Variants in NTM observed in about 807,000 individuals in gnomAD.
The protein encoded by NTM is neurotrimin, also known as IgLON family member 2.
NTM carries 13 observed loss-of-function variants against 42.1 expected under a neutral mutation model. The observed-to-expected ratio is 0.31, with a 90% CI of 0.20 to 0.49. The LOEUF (loss-of-function observed/expected upper bound fraction) is 0.49, where lower values mean the gene tolerates loss of function less well. NTM is among the 20% of genes least tolerant of loss of function. The probability of loss-of-function intolerance (pLI) is 0.99; values close to 1 mark genes in which losing one functional copy is unlikely to be tolerated. For missense variants in NTM, 373 were observed against 452.8 expected (o/e 0.82, Z 1.60); for synonymous variants, 187 against 179.2 (o/e 1.04, Z -0.35).
chr11:131,714,825 G>C (rs966682774), intron 1 of NTM, among the ~76,000 whole-genome samples: 3 of 152,150 alleles, frequency 2.0e-5, no homozygotes, highest in Admixed American at 2.0e-4. Context: ...TTCTACAGAG[G>C]CATGCCCAGT....
intron 2 of NTM, among the ~76,000 whole-genome samples, chr11:132,079,206 T>C (rs1397468745): frequency 6.6e-6 from 1 of 152,220 alleles, no homozygotes; most frequent in Non-Finnish European, 1.5e-5. Flanking sequence ...TACTAATCAG[T>C]AGCCGACACT....
At chr11:131,600,418 T>C (rs2060378389) in intron 1 of NTM, among the ~76,000 whole-genome samples, 1 of 152,218 alleles carries the variant, frequency 6.6e-6, no homozygotes, top group Non-Finnish European at 1.5e-5. Flanking sequence ...GGAAAATGTA[T>C]TATTAAGTGG....
chr11:131,789,349 AAATAATAAT>A (rs144547552), intron 1 of NTM, among the ~76,000 whole-genome samples: 1 of 112,804 alleles, frequency 8.9e-6, no homozygotes, highest in African/African-American at 3.6e-5. Context: ...GTGAATTTAA[AAATAATAAT>A]AATAATAATA....
intron 1 of NTM, among the ~76,000 whole-genome samples, chr11:131,895,664 A>T (rs2052152453): frequency 6.6e-6 from 1 of 152,070 alleles, no homozygotes; most frequent in Non-Finnish European, 1.5e-5. Context: ...ATTATTTCAC[A>T]TTATATATGT....
At chr11:131,604,751 C>T (rs2137461377) in intron 1 of NTM, among the ~76,000 whole-genome samples, 1 of 150,456 alleles carries the variant, frequency 6.6e-6, no homozygotes, top group East Asian at 2.0e-4. Flanking sequence ...AGTAAGAATC[C>T]CACTTCTTTC....
At chr11:131,840,285 T>G (rs4937663) in intron 1 of NTM, among the ~76,000 whole-genome samples, 117,251 of 152,098 alleles carry the variant, frequency 0.77, 45,421 homozygotes, top group East Asian at 0.86. Flanking sequence ...ATATTAAGGA[T>G]TAGGTGAGCA....
chr11:131,462,571 T>C (rs1951487660), intron 1 of NTM, among the ~76,000 whole-genome samples: 2 of 152,236 alleles, frequency 1.3e-5, no homozygotes, highest in South Asian at 2.1e-4. Context: ...GTCAGCTAAA[T>C]GCTGCTTTTC....
Position 131,462,048 on chromosome 11 carries a change from A to G in NTM, c.82+91160A>G, listed in dbSNP as rs569406115. Among the ~76,000 whole-genome samples, 3 of 131,478 alleles carry G rather than the reference A, an allele frequency of 2.3e-5. No individual in the cohort carries two copies. The East Asian group carries it at 9.4e-4, about 41-fold the overall frequency. 86.3% of individuals were successfully genotyped at this position (131,478 alleles called of 152,430 possible). ...AATGTCTCTCAACTAGTGAGTGGGT[A>G]AAAAAAAACTGAAGAACACCACACA... On this transcript the variant is annotated intron_variant, in intron 1 of 8. Coordinates refer to ENST00000683400, the MANE Select transcript of NTM (RefSeq NM_001352005.2).
chr11:132,086,183 G>C (rs973851943), intron 2 of NTM, among the ~76,000 whole-genome samples: 8 of 152,018 alleles, frequency 5.3e-5, no homozygotes, highest in African/African-American at 1.9e-4. Context: ...AATTAGCTGG[G>C]CATGGTGGTG....
At chr11:132,052,351 C>T (rs1255168524) in intron 2 of NTM, among the ~76,000 whole-genome samples, 1 of 152,120 alleles carries the variant, frequency 6.6e-6, no homozygotes, top group Admixed American at 6.6e-5. Flanking sequence ...GTTTGGGAGT[C>T]CTGGTCTATT....
chr11:132,039,059 G>A (rs1471407535), intron 2 of NTM, among the ~76,000 whole-genome samples: 1 of 152,154 alleles, frequency 6.6e-6, no homozygotes, highest in Non-Finnish European at 1.5e-5. Context: ...GTGTCCATGG[G>A]GTGTTTGTGC....
chr11:132,293,313 C>CA (rs919564413), intron 4 of NTM, among the ~76,000 whole-genome samples: 2 of 151,988 alleles, frequency 1.3e-5, no homozygotes, highest in African/African-American at 2.4e-5. Flanking sequence ...CACCAACCAA[C>CA]AAAAAAATAT....
rs182079083 is a variant in NTM at position 132,263,223 on chromosome 11, G to C, written c.527-44466G>C. On this transcript the variant is annotated intron_variant, in intron 4 of 8. Coordinates refer to ENST00000683400, the MANE Select transcript of NTM (RefSeq NM_001352005.2). ...TCCAACCCCAAGGCTGTTCAAGGGG[G>C]CCATCTGGCCTGTTGAAACTGAGGT... Among the ~76,000 whole-genome samples the C allele has an allele frequency of 2.0e-3, 311 of 152,328 alleles. 4 individuals carry two copies. In the East Asian group the frequency reaches 0.028, roughly 14 times the overall value.
chr11:132,089,290 G>A (rs1239746696), intron 2 of NTM, among the ~76,000 whole-genome samples: 1 of 152,110 alleles, frequency 6.6e-6, no homozygotes, highest in Non-Finnish European at 1.5e-5. Context: ...TGCTTTGATT[G>A]TGCCTTGTTT....
chr11:131,665,040 A>G (rs894903156), intron 1 of NTM, among the ~76,000 whole-genome samples: 1 of 152,156 alleles, frequency 6.6e-6, no homozygotes, highest in African/African-American at 2.4e-5. Context: ...ACCAAGCCTT[A>G]GGGAGAACCG....
chr11:131,821,451 G>A (rs546007814), intron 1 of NTM, among the ~76,000 whole-genome samples: 1 of 152,234 alleles, frequency 6.6e-6, no homozygotes, highest in African/African-American at 2.4e-5. Flanking sequence ...CGGTGGTCAC[G>A]CCAGCAAACA....
At chr11:131,420,532 A>G (rs1947395471) in intron 1 of NTM, among the ~76,000 whole-genome samples, 1 of 152,186 alleles carries the variant, frequency 6.6e-6, no homozygotes, top group African/African-American at 2.4e-5. Flanking sequence ...GGAAACTAAC[A>G]TAGACAGCAA....
chr11:131,611,608 G>A (rs2061472142), intron 1 of NTM, among the ~76,000 whole-genome samples: 1 of 152,160 alleles, frequency 6.6e-6, no homozygotes, highest in Non-Finnish European at 1.5e-5. Flanking sequence ...AAGGAGCTGA[G>A]GACCTAAACA....
chr11:132,090,031 G>A (rs2060204881), intron 2 of NTM, among the ~76,000 whole-genome samples: 1 of 152,016 alleles, frequency 6.6e-6, no homozygotes, highest in Admixed American at 6.5e-5. Context: ...TGTATATATT[G>A]TTTCATGTCA....
Sources: gnomAD v4.1 joint callset for allele counts (sites outside exome capture counted in the v4.1 genomes callset) on GRCh38, gnomAD v4.1.1 for gene constraint, MANE v1.5 for transcripts, NCBI Gene and HGNC (gene_info 2026-07-23, HGNC 2026-07-21) for gene names.